The following AOAH variants were observed in gnomAD, a reference collection of about 807,000 sequenced individuals.
The protein encoded by AOAH is acyloxyacyl hydrolase (neutrophil).
AOAH carries 64 observed loss-of-function variants against 92.2 expected under a neutral mutation model. That is an observed-to-expected ratio of 0.69 (90% CI 0.57 to 0.86). AOAH has a LOEUF of 0.86. Ranked by LOEUF, AOAH falls within the 40% of genes least tolerant of loss-of-function variation. The pLI is 0.00. For synonymous variants in AOAH, 263 were observed against 254.5 expected (o/e 1.03, Z -0.32); for missense variants, 656 against 694.6 (o/e 0.94, Z 0.62).
chr7:36,592,325 G>A (rs1261027218), intron 12 of AOAH, among the ~76,000 whole-genome samples: 1 of 152,202 alleles, frequency 6.6e-6, no homozygotes, highest in Non-Finnish European at 1.5e-5. Flanking sequence ...AAAGACAACA[G>A]AGGCTGTAGC....
At chr7:36,577,213 C>T (rs183662831) in intron 12 of AOAH, among the ~76,000 whole-genome samples, 19 of 152,126 alleles carry the variant, frequency 1.2e-4, no homozygotes, top group Non-Finnish European at 2.6e-4. Context: ...AGGAGTGGCA[C>T]ATCACTAAGT....
chr7:36,704,559 G>A (rs1029101495), intron 1 of AOAH, among the ~76,000 whole-genome samples: 5 of 152,044 alleles, frequency 3.3e-5, no homozygotes, highest in Admixed American at 2.0e-4. Context: ...TCTACCAGAG[G>A]TACAAAGAGG....
In AOAH at chr7:36,620,802, A is replaced by G. The variant is rs777544419; in HGVS notation, c.681T>C (p.Asp227=). Residue 227 remains aspartate, a synonymous_variant, in exon 9 of 21, where the codon GAT becomes GAC. Transcript: ENST00000617537. ...TTACCCAAATGCCATTACAGTTTGAATCCTGATGGACATCCCAGTTGTTCG... is the reference window on the plus strand; with the variant it reads ...TTACCCAAATGCCATTACAGTTTGAGTCCTGATGGACATCCCAGTTGTTCG... ...RRPNNWDVHQ[D]SNCNGIWGVD... is the part of the protein sequence containing the mutation. 1.2e-6 allele frequency: 2 copies of G among 1,613,954 alleles called. No individual in the cohort carries two copies. The highest frequency in any genetic ancestry group is 1.7e-5 in the Admixed American group (1 of 60,004).
intron 5 of AOAH, among the ~76,000 whole-genome samples, chr7:36,634,174 T>A (rs890852119): frequency 6.6e-6 from 1 of 152,126 alleles, no homozygotes; most frequent in African/African-American, 2.4e-5. Context: ...AAGCTTCTAC[T>A]AAGGTAGGAG....
chr7:36,655,362 A>G (rs1194078817), intron 4 of AOAH, among the ~76,000 whole-genome samples: 3 of 151,934 alleles, frequency 2.0e-5, no homozygotes, highest in Non-Finnish European at 4.4e-5. Flanking sequence ...GAATTACTTT[A>G]CAGAGAAGGT....
At chr7:36,538,035 T>TTTTG (rs998692294) in intron 16 of AOAH, among the ~76,000 whole-genome samples, 1 of 150,358 alleles carries the variant, frequency 6.7e-6, no homozygotes, top group African/African-American at 2.5e-5. Flanking sequence ...TGGACAGAGT[T>TTTTG]TTTGTTTGTT....
At chr7:36,678,598 T>TGTGTGTGC (rs1554314377) in intron 2 of AOAH, among the ~76,000 whole-genome samples, 3 of 127,316 alleles carry the variant, frequency 2.4e-5, no homozygotes, top group Non-Finnish European at 3.5e-5. Context: ...TGTGTGTGTG[T>TGTGTGTGC]GTGCGCGCGC....
chr7:36,577,694 GC>G (rs1261292928), intron 12 of AOAH, among the ~76,000 whole-genome samples: 1 of 152,016 alleles, frequency 6.6e-6, no homozygotes, highest in Non-Finnish European at 1.5e-5. Flanking sequence ...TTTAATTAAT[GC>G]AACAAAATTT....
At chr7:36,699,182 A>G (rs144512283) in intron 1 of AOAH, among the ~76,000 whole-genome samples, 220 of 152,146 alleles carry the variant, frequency 1.4e-3, no homozygotes, top group African/African-American at 5.2e-3. Context: ...GTATCGTACC[A>G]TATTTTCTTT....
At chr7:36,672,767 C>T (rs959087974) in intron 3 of AOAH, among the ~76,000 whole-genome samples, 2 of 151,920 alleles carry the variant, frequency 1.3e-5, no homozygotes, top group African/African-American at 4.8e-5. Flanking sequence ...GCACATGTAT[C>T]CCAGAACTTA....
chr7:36,514,583 C>G, intron 20 of AOAH: 1 of 1,535,368 alleles, frequency 6.5e-7, no homozygotes, highest in Non-Finnish European at 8.7e-7. Context: ...GAGGAGGATG[C>G]TCTTTCTCTG....
At chr7:36,703,030 C>A (rs1261451049) in intron 1 of AOAH, among the ~76,000 whole-genome samples, 3 of 152,262 alleles carry the variant, frequency 2.0e-5, no homozygotes, top group African/African-American at 7.2e-5. Flanking sequence ...GTAGATTTCA[C>A]TTCAAAAAAC....
chr7:36,621,363 G>A (rs947513839), intron 8 of AOAH, among the ~76,000 whole-genome samples: 1 of 152,140 alleles, frequency 6.6e-6, no homozygotes, highest in African/African-American at 2.4e-5. Flanking sequence ...AATTCTGCAC[G>A]GAGAACTGAT....
intron 13 of AOAH, among the ~76,000 whole-genome samples, chr7:36,560,781 T>C (rs1413131407): frequency 6.6e-6 from 1 of 152,142 alleles, no homozygotes; most frequent in Non-Finnish European, 1.5e-5. Context: ...TGAACAGGAG[T>C]GATGAGAGTG....
At chr7:36,561,902 T>G (rs1787296357) in intron 13 of AOAH, among the ~76,000 whole-genome samples, 1 of 152,056 alleles carries the variant, frequency 6.6e-6, no homozygotes, top group South Asian at 2.1e-4. Flanking sequence ...CCTTTGCCAC[T>G]CAGGACAAGG....
chr7:36,700,965 G>A (rs1797994676), intron 1 of AOAH, among the ~76,000 whole-genome samples: 1 of 151,870 alleles, frequency 6.6e-6, no homozygotes, highest in Non-Finnish European at 1.5e-5. Flanking sequence ...TATGCTTGTT[G>A]GCCATTTGTA....
intron 9 of AOAH, 75 bp from the exon 10 acceptor site, chr7:36,618,420 T>C (rs1792047501): frequency 1.4e-6 from 2 of 1,405,532 alleles, no homozygotes; most frequent in Non-Finnish European, 2.0e-6. Flanking sequence ...CTCTCCTAAA[T>C]GGCTTTAAAA....
At chr7:36,598,993 A>AAGAAAAATTTTCC (rs1239356049) in intron 11 of AOAH, among the ~76,000 whole-genome samples, 2 of 152,220 alleles carry the variant, frequency 1.3e-5, no homozygotes, top group African/African-American at 4.8e-5. Flanking sequence ...AATATTTACC[A>AAGAAAAATTTTCC]AGAAAAATTT....
At chr7:36,709,384 G>A (rs1375713964) in intron 1 of AOAH, among the ~76,000 whole-genome samples, 1 of 152,172 alleles carries the variant, frequency 6.6e-6, no homozygotes, top group African/African-American at 2.4e-5. Flanking sequence ...CCTCAGGCAA[G>A]GAGGCCACAG....
Sources: allele counts gnomAD v4.1 joint callset (sites outside exome capture counted in the v4.1 genomes callset), GRCh38; gene constraint gnomAD v4.1.1; transcripts MANE v1.5; gene names NCBI Gene and HGNC (gene_info 2026-07-23, HGNC 2026-07-21).